Variants in ZMIZ1 observed in about 807,000 individuals in gnomAD.
ZMIZ1 encodes the protein zinc finger MIZ domain-containing protein 1.
In ZMIZ1, 17 loss-of-function variants were observed where a neutral mutation model predicts 113.9. That is an observed-to-expected ratio of 0.15 (90% CI 0.10 to 0.22). The LOEUF is 0.22. Ranked by LOEUF, ZMIZ1 falls within the 10% of genes least tolerant of loss-of-function variation. ZMIZ1 has a pLI of 1.00. For missense variants in ZMIZ1, 1,059 were observed against 1,477.8 expected, an observed-to-expected ratio of 0.72 and a Z score of 4.65; for synonymous variants, 607 against 603.1, an observed-to-expected ratio of 1.01 and a Z score of -0.09.
intron 23 of ZMIZ1, 34 bp from the exon 24 acceptor site, chr10:79,310,890 C>T (rs767340752): frequency 6.3e-7 from 1 of 1,597,382 alleles, no homozygotes; most frequent in South Asian, 1.1e-5. Flanking sequence ...CCTCACCTCA[C>T]CTCTCTTCTC....
intron 2 of ZMIZ1, among the ~76,000 whole-genome samples, chr10:79,128,708 G>A (rs1844624495): frequency 6.6e-6 from 1 of 152,178 alleles, no homozygotes; most frequent in Non-Finnish European, 1.5e-5. Context: ...GGGTATGCTT[G>A]CCAATCCCCA....
At chr10:79,117,071 T>C (rs1844065996) in intron 1 of ZMIZ1, among the ~76,000 whole-genome samples, 2 of 152,264 alleles carry the variant, frequency 1.3e-5, no homozygotes, top group Admixed American at 1.3e-4. Context: ...CAGTGGGTGC[T>C]GGCTGTTGCC....
intron 1 of ZMIZ1, among the ~76,000 whole-genome samples, chr10:79,097,448 A>C: frequency 6.6e-6 from 1 of 152,228 alleles, no homozygotes; most frequent in East Asian, 1.9e-4. Context: ...TCTTCCGCCT[A>C]GGGTCAGCCC....
At chr10:79,238,117 T>A (rs1849669440) in intron 7 of ZMIZ1, among the ~76,000 whole-genome samples, 1 of 152,128 alleles carries the variant, frequency 6.6e-6, no homozygotes, top group Non-Finnish European at 1.5e-5. Context: ...CAGGCTCCTC[T>A]GAATGATCAT....
intron 7 of ZMIZ1, among the ~76,000 whole-genome samples, chr10:79,217,690 G>C (rs1042146878): frequency 6.6e-6 from 1 of 152,206 alleles, no homozygotes; most frequent in Non-Finnish European, 1.5e-5. Context: ...TTGCGTGTGA[G>C]TTTGCGCCTC....
At chr10:79,244,634 G>A (rs1479312009) in intron 7 of ZMIZ1, among the ~76,000 whole-genome samples, 1 of 152,228 alleles carries the variant, frequency 6.6e-6, no homozygotes, top group Non-Finnish European at 1.5e-5. Context: ...GTGTTGAGCA[G>A]GGCTGATGGC....
intron 2 of ZMIZ1, among the ~76,000 whole-genome samples, chr10:79,132,144 C>G (rs932264703): frequency 3.9e-5 from 6 of 152,188 alleles, no homozygotes; most frequent in African/African-American, 1.4e-4. Flanking sequence ...GCCACGTGCA[C>G]GAGCTTCTCT....
intron 7 of ZMIZ1, among the ~76,000 whole-genome samples, chr10:79,256,134 G>C (rs950306087): frequency 3.9e-5 from 6 of 152,144 alleles, no homozygotes; most frequent in Non-Finnish European, 7.4e-5. Context: ...TTCAATTACT[G>C]CTCCCTGCCC....
Position 79,304,094 on chromosome 10 carries a change from C to G in ZMIZ1, c.2205C>G (p.Ala735=). Residue 735 remains alanine, a synonymous_variant, in exon 19 of 25, where the codon GCC becomes GCG. Transcript: ENST00000334512. ...LNGEDGVEQT[A]IKVSLKCPIT... Reference sequence around the variant, plus strand: ...GGGAGGATGGGGTGGAGCAGACGGCCATCAAGGTGTCTCTGAAGTGCCCCA... The same window carrying G: ...GGGAGGATGGGGTGGAGCAGACGGCGATCAAGGTGTCTCTGAAGTGCCCCA... 6.2e-7 allele frequency: 1 copy of G among 1,614,236 alleles called. No individual in the cohort carries two copies. Among genetic ancestry groups the G allele is most frequent in the African/African-American group, 1.3e-5 (1 of 75,072 alleles).
At chr10:79,285,655 A>T (rs1006650548) in intron 8 of ZMIZ1, 3 of 445,838 alleles carry the variant, frequency 6.7e-6, no homozygotes, top group Admixed American at 2.4e-5. Context: ...TCCCTGGCAC[A>T]TTTTTTTGTT....
intron 1 of ZMIZ1, among the ~76,000 whole-genome samples, chr10:79,070,072 C>G (rs1052345521): frequency 6.7e-6 from 1 of 149,240 alleles, no homozygotes; most frequent in Non-Finnish European, 1.5e-5. Flanking sequence ...CTCTCCGTCT[C>G]CGGCGGCGGT....
intron 23 of ZMIZ1, among the ~76,000 whole-genome samples, chr10:79,308,373 C>G (rs1022996049): frequency 6.6e-5 from 10 of 152,204 alleles, no homozygotes; most frequent in African/African-American, 2.4e-4. Context: ...ACTGAAGCCT[C>G]CGGAGGCTGA....
intron 8 of ZMIZ1, among the ~76,000 whole-genome samples, chr10:79,283,451 T>C (rs1056619077): frequency 2.0e-5 from 3 of 152,180 alleles, no homozygotes; most frequent in African/African-American, 7.2e-5. Context: ...GACCAGTCAT[T>C]ATTCCCCTGA....
chr10:79,201,439 A>G, intron 4 of ZMIZ1, 145 bp from the exon 5 acceptor site: 1 of 640,606 alleles, frequency 1.6e-6, no homozygotes. Context: ...CCCTCAGCCC[A>G]GTGGGGTACC....
intron 7 of ZMIZ1, among the ~76,000 whole-genome samples, chr10:79,272,427 C>T (rs1852004946): frequency 1.3e-5 from 2 of 152,246 alleles, no homozygotes; most frequent in Non-Finnish European, 2.9e-5. Context: ...CGAATCCAGA[C>T]TTTCGGAGTC....
intron 2 of ZMIZ1, among the ~76,000 whole-genome samples, chr10:79,138,608 C>T (rs1305173490): frequency 6.6e-6 from 1 of 152,194 alleles, no homozygotes; most frequent in Admixed American, 6.5e-5. Flanking sequence ...CCCCTTACAT[C>T]CCTTGGCCTG....
intron 4 of ZMIZ1, 129 bp from the exon 5 acceptor site, chr10:79,201,455 T>G: frequency 1.5e-6 from 1 of 687,114 alleles, no homozygotes; most frequent in South Asian, 1.8e-5. Context: ...GTACCCCAGG[T>G]GCAGCCCCAC....
intron 1 of ZMIZ1, among the ~76,000 whole-genome samples, chr10:79,092,310 A>G (rs1316754939): frequency 2.0e-5 from 3 of 152,176 alleles, no homozygotes; most frequent in Non-Finnish European, 4.4e-5. Flanking sequence ...TGGCCATTTC[A>G]TGGCTGCTGG....
At position 79,147,707 on chromosome 10, in the gene ZMIZ1, G is replaced by T. The variant is rs192811369; in HGVS notation, c.-131+7930G>T. Among the ~76,000 whole-genome samples, 812 of 152,316 alleles carry T rather than the reference G, an allele frequency of 5.3e-3. 5 individuals carry two copies. Among genetic ancestry groups the T allele is most frequent in the African/African-American group, 0.019 (769 of 41,564 alleles). ...TTCCCACCCCACTGCCATTCCAGGA[G>T]GATGCAACCCCTACATTGTTGCAGG... On this transcript the variant is annotated intron_variant, in intron 3 of 24. Coordinates refer to ENST00000334512, the MANE Select transcript of ZMIZ1 (RefSeq NM_020338.4).
Sources: gnomAD v4.1 joint callset for allele counts (sites outside exome capture counted in the v4.1 genomes callset) on GRCh38, gnomAD v4.1.1 for gene constraint, MANE v1.5 for transcripts, NCBI Gene and HGNC (gene_info 2026-07-23, HGNC 2026-07-21) for gene names.